TRPV4: variants seen among roughly 807,000 people sequenced by gnomAD.
TRPV4 encodes the protein OSM9-like transient receptor potential channel 4.
A neutral mutation model predicts 84.1 loss-of-function variants in TRPV4; 58 were observed. The ratio of observed to expected loss-of-function variants is 0.69; its 90% CI spans 0.56 to 0.86. The LOEUF (loss-of-function observed/expected upper bound fraction) is 0.86. Ranked by LOEUF, TRPV4 falls within the 40% of genes least tolerant of loss-of-function variation. The probability of loss-of-function intolerance (pLI) is 0.00; values close to 1 mark genes in which losing one functional copy is unlikely to be tolerated. For missense variants in TRPV4, 879 were observed against 1,181.1 expected, an observed-to-expected ratio of 0.74 and a Z score of 3.75; for synonymous variants, 489 against 500.9, an observed-to-expected ratio of 0.98 and a Z score of 0.32.
intron 3 of TRPV4, among the ~76,000 whole-genome samples, chr12:109,806,489 G>A (rs1465135358): frequency 6.6e-6 from 1 of 151,268 alleles, no homozygotes; most frequent in Non-Finnish European, 1.5e-5. Flanking sequence ...ATAGGCATGA[G>A]CCACCGCACC....
At position 109,798,728 on chromosome 12, in the gene TRPV4, G is replaced by T. The variant is rs750086412; in HGVS notation, c.1038C>A (p.Tyr346Ter). ...RENTKFVTKM[Y>*]DLLLLKCARL... ...GGGCACACTTGAGCAGCAGCAGGTC[G>T]TACATCTTGGTAACAAACTTGGTGT... is the stretch of plus-strand genomic sequence containing the variant. The change falls in exon 6 of 16, where the codon TAC (tyrosine) becomes TAA (stop). Residue 346 changes from tyrosine to a stop codon, truncating the protein, a stop_gained. Transcript: ENST00000261740. LOFTEE classifies it high-confidence loss of function. This position sits in a 1 kb window ranked among gnomAD's most constrained non-coding sequence, Gnocchi z 5.0. 2 of 1,614,100 alleles carry T rather than the reference G, an allele frequency of 1.2e-6. No homozygotes were observed. Among genetic ancestry groups the T allele is most frequent in the Non-Finnish European group, 1.7e-6 (2 of 1,180,048 alleles).
At chr12:109,825,089 C>A in intron 1 of TRPV4, among the ~76,000 whole-genome samples, 1 of 152,198 alleles carries the variant, frequency 6.6e-6, no homozygotes, top group East Asian at 1.9e-4. Context: ...CACCTGTAAT[C>A]CCAACACTTT....
chr12:109,784,196 G>T, intron 15 of TRPV4, 120 bp downstream of exon 15: 2 of 1,501,130 alleles, frequency 1.3e-6, no homozygotes, highest in Middle Eastern at 2.3e-4. Context: ...GAAGCTCAGG[G>T]GCACACTCTC....
chr12:109,803,288 G>T, intron 3 of TRPV4, 145 bp from the exon 4 acceptor site: 1 of 1,015,066 alleles, frequency 9.9e-7, no homozygotes, highest in Non-Finnish European at 1.5e-6. Context: ...CATCTGTCCA[G>T]TGGGGACCCA....
chr12:109,783,715 A>C lies in TRPV4; in HGVS notation c.2522T>G (p.Val841Gly), dbSNP rs754182408. ...CCCCATGCTGTCCAGAGGCACCACCACCTCGTCCGGGTTCGAGTTCTTGTT... is the reference window on the plus strand; with the variant it reads ...CCCCATGCTGTCCAGAGGCACCACCCCCTCGTCCGGGTTCGAGTTCTTGTT... ...ELNKNSNPDE[V>G]VVPLDSMGNP... The change falls in exon 16 of 16, where the codon GTG (valine) becomes GGG (glycine). Residue 841 changes from valine to glycine, a missense_variant. By Grantham distance (109) the Val-to-Gly change is moderately radical (BLOSUM62 -3). This residue lies in a region of TRPV4 where 242 missense variants were observed against 355.3 expected (regional missense o/e 0.68). Coordinates refer to ENST00000261740, the MANE Select transcript of TRPV4 (RefSeq NM_021625.5). The surrounding 1 kb of genome is among the most constrained non-coding windows in gnomAD (Gnocchi z 4.6). 6.2e-7 allele frequency: 1 copy of C among 1,612,778 alleles called. No homozygotes were observed. The highest frequency in any genetic ancestry group is 8.5e-7 in the Non-Finnish European group (1 of 1,179,830).
intron 2 of TRPV4, among the ~76,000 whole-genome samples, chr12:109,811,813 G>A (rs1411037499): frequency 6.6e-6 from 1 of 152,092 alleles, no homozygotes; most frequent in East Asian, 1.9e-4. Context: ...AGGAGGACAC[G>A]CAAGTCCAGG....
intron 1 of TRPV4, among the ~76,000 whole-genome samples, chr12:109,828,713 G>C (rs1892334679): frequency 6.6e-6 from 1 of 152,192 alleles, no homozygotes; most frequent in Non-Finnish European, 1.5e-5. Context: ...CTGGCCACTG[G>C]GCTTTTCGTG....
At chr12:109,792,137 G>A (rs998337855) in intron 12 of TRPV4, among the ~76,000 whole-genome samples, 9 of 151,074 alleles carry the variant, frequency 6.0e-5, no homozygotes, top group African/African-American at 1.7e-4. Context: ...TCCCAACTAC[G>A]TGGGAGGCTG....
Position 109,798,896 on chromosome 12 carries a change from C to T in TRPV4, c.870G>A (p.Ser290=), listed in dbSNP as rs770605463. 1.9e-6 allele frequency: 3 copies of T among 1,610,952 alleles called. No individual in the cohort carries two copies. Among genetic ancestry groups the T allele is most frequent in the Non-Finnish European group, 2.5e-6 (3 of 1,177,908 alleles). Residue 290 remains serine, a synonymous_variant, in exon 6 of 16, where the codon TCG becomes TCA. Coordinates refer to ENST00000261740, the MANE Select transcript of TRPV4 (RefSeq NM_021625.5). This position sits in a 1 kb window ranked among gnomAD's most constrained non-coding sequence, Gnocchi z 5.0. ...GYFYFGELPL[S]LAACTNQPHI... ...GGGGCTGGTTGGTGCAGGCAGCCAGCGACAGGGGCAGCTCCCCTGCGGGCC... is the reference window on the plus strand; with the variant it reads ...GGGGCTGGTTGGTGCAGGCAGCCAGTGACAGGGGCAGCTCCCCTGCGGGCC...
chr12:109,787,641 T>A (rs981437333), intron 13 of TRPV4, among the ~76,000 whole-genome samples: 1 of 152,116 alleles, frequency 6.6e-6, no homozygotes, highest in African/African-American at 2.4e-5. Context: ...CCCAATGAAG[T>A]AAGCAATATA....
chr12:109,794,074 G>T, intron 8 of TRPV4, 52 bp from the exon 9 acceptor site: 1 of 1,460,494 alleles, frequency 6.8e-7, no homozygotes, highest in Non-Finnish European at 9.5e-7. Context: ...CCAACATCTG[G>T]CCCCCAATCC....
Position 109,826,232 on chromosome 12 carries a change from C to T in TRPV4, c.-32+7118G>A, listed in dbSNP as rs187413473. Among the ~76,000 whole-genome samples, 125 of 152,266 alleles carry T rather than the reference C, an allele frequency of 8.2e-4. 1 individual carries two copies. The highest frequency in any genetic ancestry group is 3.0e-3 in the African/African-American group (123 of 41,550). ...AGAGATGGAGTCTCACTCTACTGCC[C>T]AGGTTAGTCTCCAATGCCCGGGCTC... On this transcript the variant is annotated intron_variant, in intron 1 of 15. Transcript: ENST00000261740.
chr12:109,812,010 C>T (rs558714666), intron 2 of TRPV4, among the ~76,000 whole-genome samples: 1 of 152,160 alleles, frequency 6.6e-6, no homozygotes. Flanking sequence ...GACTGCAAGC[C>T]CTGCTCCCTC....
At chr12:109,787,658 G>C (rs1478247506) in intron 13 of TRPV4, among the ~76,000 whole-genome samples, 1 of 152,182 alleles carries the variant, frequency 6.6e-6, no homozygotes, top group African/African-American at 2.4e-5. Flanking sequence ...TATAGATAAA[G>C]GTTAAGAGCA....
chr12:109,783,732 G>A lies in TRPV4; in HGVS notation c.2505C>T (p.Asn835=). Residue 835 remains asparagine, a synonymous_variant, in exon 16 of 16, where the codon AAC becomes AAT. Coordinates refer to ENST00000261740, the MANE Select transcript of TRPV4 (RefSeq NM_021625.5). The surrounding 1 kb of genome is among the most constrained non-coding windows in gnomAD (Gnocchi z 4.6). The stretch of plus-strand genomic sequence containing the variant: ...GCACCACCACCTCGTCCGGGTTCGA[G>A]TTCTTGTTCAGTTCCACCACGCGGG... ...VVPRVVELNK[N]SNPDEVVVPL... 6.2e-7 allele frequency: 1 copy of A among 1,613,690 alleles called. No individual in the cohort carries two copies. The highest frequency in any genetic ancestry group is 8.5e-7 in the Non-Finnish European group (1 of 1,179,984).
In TRPV4 at chr12:109,815,423, GTCCTTTTCC is replaced by G. The variant is rs1402721594; in HGVS notation, c.-31-605_-31-597del. Among the ~76,000 whole-genome samples, 1 of 152,194 alleles carries G rather than the reference GTCCTTTTCC, an allele frequency of 6.6e-6. No individual in the cohort carries two copies. Among genetic ancestry groups the G allele is most frequent in the Non-Finnish European group, 1.5e-5 (1 of 68,032 alleles). ...TGTGGACTTGCTGTGTAGGCCGGCA[GTCCTTTTCC>G]TCATCAAACACTGTCATGATGAACC... is the stretch of plus-strand genomic sequence containing the variant. On this transcript the variant is annotated intron_variant, in intron 1 of 15. Transcript: ENST00000261740. This position sits in a 1 kb window ranked among gnomAD's most constrained non-coding sequence, Gnocchi z 4.1.
intron 1 of TRPV4, among the ~76,000 whole-genome samples, chr12:109,831,668 T>C (rs973279451): frequency 3.3e-5 from 5 of 152,312 alleles, no homozygotes; most frequent in African/African-American, 1.2e-4. Flanking sequence ...TCCCCAGATA[T>C]AAGGTATCTG....
intron 1 of TRPV4, chr12:109,832,676 C>T (rs1471547215): frequency 6.5e-6 from 1 of 153,436 alleles, no homozygotes. Flanking sequence ...ACAGAGAGGA[C>T]AGACAGAGGG....
Position 109,783,456 on chromosome 12 carries a change from G to T in TRPV4, c.*165C>A. The T allele has an allele frequency of 2.1e-6, 2 of 936,302 alleles. No individual in the cohort carries two copies. Among genetic ancestry groups the T allele is most frequent in the Non-Finnish European group, 3.1e-6 (2 of 648,242 alleles). The allele number at this position is 936,302 out of a possible 1,614,324, so 58.0% of individuals were successfully genotyped here. A position where few individuals can be genotyped will look rare whatever the true frequency, so the allele number is the denominator to read the frequency against. ...GGGAGCCCCCACCCCAGGGTGGGGAGGCAGAGCCAGGGGACCACAGGGTCC... is the reference window on the plus strand; with the variant it reads ...GGGAGCCCCCACCCCAGGGTGGGGATGCAGAGCCAGGGGACCACAGGGTCC... On this transcript the variant is annotated 3_prime_UTR_variant, in exon 16 of 16. Coordinates refer to ENST00000261740, the MANE Select transcript of TRPV4 (RefSeq NM_021625.5). This position sits in a 1 kb window ranked among gnomAD's most constrained non-coding sequence, Gnocchi z 4.6.
Sources: allele counts gnomAD v4.1 joint callset (sites outside exome capture counted in the v4.1 genomes callset), GRCh38; gene constraint gnomAD v4.1.1; regional missense constraint gnomAD v4.1.1; non-coding constraint Gnocchi (gnomAD v3.1); transcripts MANE v1.5; gene names NCBI Gene and HGNC (gene_info 2026-07-23, HGNC 2026-07-21).